LRP1B: variants seen among roughly 807,000 people sequenced by gnomAD.
The protein encoded by LRP1B is LDL receptor related protein 1B, also known as low-density lipoprotein receptor-related protein 1B.
Under a neutral mutation model 556.6 loss-of-function variants are expected in LRP1B, and 217 were observed. The observed-to-expected ratio is 0.39, with a 90% CI of 0.35 to 0.44. The LOEUF is 0.44. Ranked by LOEUF, LRP1B falls within the 20% of genes least tolerant of loss-of-function variation. LRP1B has a pLI of 1.00. For synonymous variants in LRP1B, 2,047 were observed against 1,865.8 expected, an observed-to-expected ratio of 1.10 and a Z score of -2.50; for missense variants, 5,053 against 5,620.8, an observed-to-expected ratio of 0.90 and a Z score of 3.23.
chr2:140,764,828 T>C (rs1349089375), intron 35 of LRP1B, among the ~76,000 whole-genome samples: 1 of 152,188 alleles, frequency 6.6e-6, no homozygotes, highest in Non-Finnish European at 1.5e-5. Flanking sequence ...GGGTTCACTC[T>C]TGGTGTTATA....
At chr2:140,283,974 G>A (rs1683020910) in intron 84 of LRP1B, among the ~76,000 whole-genome samples, 1 of 151,526 alleles carries the variant, frequency 6.6e-6, no homozygotes, top group Admixed American at 6.6e-5. Flanking sequence ...GAGGCTAACT[G>A]AAACCCAAAT....
intron 35 of LRP1B, among the ~76,000 whole-genome samples, chr2:140,752,610 C>T (rs532977762): frequency 4.1e-4 from 62 of 152,252 alleles, no homozygotes; most frequent in African/African-American, 1.3e-3. Context: ...CAGGCGTGAG[C>T]CACCACGCCC....
At chr2:141,195,889 C>A (rs16845590) in intron 6 of LRP1B, among the ~76,000 whole-genome samples, 1 of 151,764 alleles carries the variant, frequency 6.6e-6, no homozygotes, top group Non-Finnish European at 1.5e-5. Flanking sequence ...TTTAGGGAAG[C>A]CATCCTGAGA....
intron 3 of LRP1B, among the ~76,000 whole-genome samples, chr2:141,479,610 T>C (rs570432512): frequency 2.1e-4 from 32 of 152,178 alleles, no homozygotes; most frequent in Non-Finnish European, 4.1e-4. Context: ...GTTAAAGACT[T>C]CCAGTACAGT....
intron 7 of LRP1B, among the ~76,000 whole-genome samples, chr2:141,178,233 G>A (rs1055338049): frequency 3.3e-5 from 5 of 152,054 alleles, no homozygotes; most frequent in African/African-American, 4.8e-5. Flanking sequence ...ACTAGAAAGA[G>A]CCTCCTATTG....
chr2:141,845,166 C>A (rs1379460212), intron 1 of LRP1B, among the ~76,000 whole-genome samples: 1 of 151,524 alleles, frequency 6.6e-6, no homozygotes, highest in Non-Finnish European at 1.5e-5. Flanking sequence ...AAGAATCTTT[C>A]AGCTTCAAGG....
At chr2:140,392,737 G>A (rs1344185738) in intron 66 of LRP1B, among the ~76,000 whole-genome samples, 4 of 152,054 alleles carry the variant, frequency 2.6e-5, no homozygotes, top group Non-Finnish European at 4.4e-5. Context: ...GATATAAATT[G>A]TCTAAAGATG....
At chr2:141,205,702 G>A (rs937074552) in intron 6 of LRP1B, among the ~76,000 whole-genome samples, 16 of 151,980 alleles carry the variant, frequency 1.1e-4, no homozygotes, top group African/African-American at 3.9e-4. Flanking sequence ...CTGTAAAACA[G>A]TAAAACTTGC....
intron 2 of LRP1B, among the ~76,000 whole-genome samples, chr2:141,786,339 G>T (rs1695429995): frequency 6.6e-6 from 1 of 151,902 alleles, no homozygotes; most frequent in Admixed American, 6.6e-5. Flanking sequence ...GGATTATAGA[G>T]AAAGGAGAAC....
At chr2:140,510,810 T>C (rs962935011) in intron 51 of LRP1B, among the ~76,000 whole-genome samples, 1 of 152,190 alleles carries the variant, frequency 6.6e-6, no homozygotes, top group Admixed American at 6.5e-5. Flanking sequence ...CTTGTTGACT[T>C]GGACTTTTAA....
chr2:140,734,756 T>C (rs1305233342), intron 35 of LRP1B, among the ~76,000 whole-genome samples: 2 of 151,792 alleles, frequency 1.3e-5, no homozygotes, highest in Non-Finnish European at 2.9e-5. Flanking sequence ...AAGCAGATAC[T>C]AACGGAGGCC....
intron 3 of LRP1B, among the ~76,000 whole-genome samples, chr2:141,469,312 T>C (rs929896176): frequency 6.6e-6 from 1 of 152,240 alleles, no homozygotes; most frequent in Non-Finnish European, 1.5e-5. Flanking sequence ...ACCAGTCTCA[T>C]AGCTGTTTCA....
intron 89 of LRP1B, among the ~76,000 whole-genome samples, chr2:140,235,674 A>G (rs561702742): frequency 3.3e-5 from 5 of 151,256 alleles, no homozygotes; most frequent in African/African-American, 1.2e-4. Flanking sequence ...GTACATTAAA[A>G]TATATTTGGG....
intron 18 of LRP1B, among the ~76,000 whole-genome samples, chr2:140,959,291 G>A (rs1695965796): frequency 6.6e-6 from 1 of 151,454 alleles, no homozygotes; most frequent in Non-Finnish European, 1.5e-5. Context: ...CTTTAAGAGG[G>A]AAAATGTTGA....
intron 2 of LRP1B, among the ~76,000 whole-genome samples, chr2:141,662,809 A>G (rs1365950960): frequency 6.6e-6 from 1 of 152,112 alleles, no homozygotes. Context: ...ACTTGAACTC[A>G]CCTCTCGATC....
chr2:141,622,173 G>A (rs1231468919), intron 2 of LRP1B, among the ~76,000 whole-genome samples: 2 of 152,126 alleles, frequency 1.3e-5, no homozygotes, highest in East Asian at 1.9e-4. Context: ...TTATAGATGT[G>A]AGCCACCGCG....
chr2:141,988,001 T>C (rs1702246666), intron 1 of LRP1B, among the ~76,000 whole-genome samples: 1 of 151,938 alleles, frequency 6.6e-6, no homozygotes, highest in Admixed American at 6.6e-5. Flanking sequence ...TTGTTGATCA[T>C]CTGCCCTAGA....
intron 41 of LRP1B, among the ~76,000 whole-genome samples, chr2:140,619,548 G>C (rs1430794371): frequency 6.6e-6 from 1 of 152,154 alleles, no homozygotes; most frequent in Non-Finnish European, 1.5e-5. Context: ...AATCCAATCA[G>C]TGCTATTGCC....
intron 38 of LRP1B, 25 bp downstream of exon 38, chr2:140,702,402 A>G (rs771471734): frequency 4.0e-5 from 64 of 1,612,114 alleles, no homozygotes; most frequent in Middle Eastern, 3.3e-4. Flanking sequence ...AGGCACTTTA[A>G]ATACTGAAAA....
Sources: allele counts gnomAD v4.1 joint callset (sites outside exome capture counted in the v4.1 genomes callset), GRCh38; gene constraint gnomAD v4.1.1; transcripts MANE v1.5; gene names NCBI Gene and HGNC (gene_info 2026-07-23, HGNC 2026-07-21).